FBLN2: variants seen among roughly 807,000 people sequenced by gnomAD.
FBLN2 encodes fibulin-2.
In FBLN2, 81 loss-of-function variants were observed where a neutral mutation model predicts 123.7. The observed-to-expected ratio is 0.65, with a 90% CI of 0.55 to 0.79. The LOEUF is 0.79. Ranked by LOEUF, FBLN2 falls within the 30% of genes least tolerant of loss-of-function variation. The probability of loss-of-function intolerance (pLI) is 0.00; values close to 1 mark genes in which losing one functional copy is unlikely to be tolerated. For synonymous variants in FBLN2, 699 were observed against 701.4 expected (o/e 1.00, Z 0.05); for missense variants, 1,603 against 1,681.3 (o/e 0.95, Z 0.81).
intron 2 of FBLN2, among the ~76,000 whole-genome samples, chr3:13,589,024 A>G (rs1704590170): frequency 6.6e-6 from 1 of 152,234 alleles, no homozygotes; most frequent in Non-Finnish European, 1.5e-5. Context: ...TCCTTAAATA[A>G]TAATGAAAGA....
chr3:13,564,213 G>T (rs1370884908), intron 1 of FBLN2, among the ~76,000 whole-genome samples: 1 of 152,078 alleles, frequency 6.6e-6, no homozygotes, highest in South Asian at 2.1e-4. Flanking sequence ...ACTTGGGCCC[G>T]GGGGCAGCCG....
intron 12 of FBLN2, 52 bp from the exon 13 acceptor site, chr3:13,629,112 G>T (rs935822987): frequency 1.2e-6 from 2 of 1,612,148 alleles, no homozygotes; most frequent in African/African-American, 1.3e-5. Flanking sequence ...CCCCTGGGAG[G>T]TGTGTGTGGA....
rs1706479386 is a variant in FBLN2 at position 13,636,545 on chromosome 3, CAACT to C, written c.3317_3320del (p.Asn1106MetfsTer60). The C allele has an allele frequency of 6.2e-7, 1 of 1,613,404 alleles. No individual in the cohort carries two copies. The highest frequency in any genetic ancestry group is 8.5e-7 in the Non-Finnish European group (1 of 1,179,712). On this transcript the variant is annotated frameshift_variant, in exon 17 of 18. Coordinates refer to ENST00000404922, the MANE Select transcript of FBLN2 (RefSeq NM_001004019.2). LOFTEE classifies it high-confidence loss of function. ...GCTGCCTGCGCTTCGAGTGTCCTCC[CAACT>C]ATGTCCAAGTCTCCAAAACGTGAGT...
chr3:13,609,692 G>GGC, intron 4 of FBLN2, 50 bp downstream of exon 4: 101 of 508,350 alleles, frequency 2.0e-4, no homozygotes, highest in East Asian at 3.2e-4. Flanking sequence ...GGCGGGGCGG[G>GGC]AGGCTGGCCT....
At chr3:13,567,095 G>A (rs140084920) in intron 1 of FBLN2, among the ~76,000 whole-genome samples, 82 of 152,246 alleles carry the variant, frequency 5.4e-4, no homozygotes, top group Admixed American at 1.4e-3. Context: ...CTTAAGCATG[G>A]ACAGAATGTG....
chr3:13,573,334 A>G (rs954040621), intron 2 of FBLN2, among the ~76,000 whole-genome samples: 3 of 150,804 alleles, frequency 2.0e-5, no homozygotes, highest in African/African-American at 7.3e-5. Flanking sequence ...TTATCACCTC[A>G]TCCTCTACAT....
rs1703908874 is a variant in FBLN2, at chr3:13,570,692, C to A, written c.337C>A (p.Leu113Met). Reference sequence around the variant, plus strand: ...CGGCAAGATCAGCTGCCAGTTCATGCTGTGCCCGGAGCTGCCGCCCAACTG... The same window carrying A: ...CGGCAAGATCAGCTGCCAGTTCATGATGTGCCCGGAGCTGCCGCCCAACTG... ...GGGKISCQFM[L>M]CPELPPNCIE... Residue 113 changes from leucine (L) to methionine (M), a missense_variant, in exon 2 of 18, where the codon CTG (leucine) becomes ATG (methionine). Transcript: ENST00000404922. 2 of 1,588,740 alleles carry A rather than the reference C, an allele frequency of 1.3e-6. No individual in the cohort carries two copies. The highest frequency in any genetic ancestry group is 1.7e-6 in the Non-Finnish European group (2 of 1,168,626).
intron 2 of FBLN2, among the ~76,000 whole-genome samples, chr3:13,600,203 G>A (rs1483611858): frequency 6.6e-6 from 1 of 152,126 alleles, no homozygotes; most frequent in East Asian, 1.9e-4. Context: ...CTGGACATGA[G>A]ATGAGGGTAC....
Position 13,577,384 on chromosome 3 carries a change from C to T in FBLN2, c.1306+5723C>T, listed in dbSNP as rs912219255. ...GCAAAGGCCCCAGGGCAGGAAGGTG[C>T]CTGGACAGGAGGCCAGTGGAGCCGA... On this transcript the variant is annotated intron_variant, in intron 2 of 17. Transcript: ENST00000404922. Among the ~76,000 whole-genome samples the T allele has an allele frequency of 4.6e-5, 7 of 152,014 alleles. No individual in the cohort carries two copies. The South Asian group carries it at 1.5e-3, about 32-fold the overall frequency.
At chr3:13,617,613 AT>A (rs1705671386) in intron 5 of FBLN2, among the ~76,000 whole-genome samples, 2 of 143,764 alleles carry the variant, frequency 1.4e-5, no homozygotes, top group Non-Finnish European at 3.0e-5. Flanking sequence ...CCATCCATCC[AT>A]CCATCCACCC....
At chr3:13,628,031 G>A in intron 11 of FBLN2, 62 bp downstream of exon 11, 1 of 1,557,164 alleles carries the variant, frequency 6.4e-7, no homozygotes, top group Non-Finnish European at 8.7e-7. Context: ...GCATTGTGGG[G>A]GCTTTTAGGG....
rs555361135 is a variant in FBLN2, at chr3:13,638,299, T to A, written c.*380T>A. 1.5e-4 allele frequency: 66 copies of A among 436,312 alleles called. No homozygotes were observed. Among genetic ancestry groups the A allele is most frequent in the Non-Finnish European group, 1.3e-4 (30 of 234,760 alleles). The allele number at this position is 436,312 out of a possible 1,614,324, so 27.0% of individuals were successfully genotyped here. The stretch of plus-strand genomic sequence containing the variant: ...CACTGTGATTAATTCTTTTCTTTTT[T>A]AAAAAATCATTTTAAAGTTTTTTGT... On this transcript the variant is annotated 3_prime_UTR_variant, in exon 18 of 18. Transcript: ENST00000404922.
intron 16 of FBLN2, among the ~76,000 whole-genome samples, chr3:13,632,816 T>G (rs1306762292): frequency 6.6e-6 from 1 of 152,120 alleles, no homozygotes; most frequent in Non-Finnish European, 1.5e-5. Flanking sequence ...TAGGTCTTGC[T>G]GGCTGCAAAG....
chr3:13,590,909 T>C (rs961698796), intron 2 of FBLN2, among the ~76,000 whole-genome samples: 1 of 152,260 alleles, frequency 6.6e-6, no homozygotes, highest in African/African-American at 2.4e-5. Context: ...TAGGCATCCA[T>C]GTCTGTTGGA....
Position 13,608,192 on chromosome 3 carries a change from A to G in FBLN2, c.1418+19A>G, listed in dbSNP as rs1705270837. The G allele has an allele frequency of 2.6e-6, 4 of 1,537,422 alleles. No individual in the cohort carries two copies. The highest frequency in any genetic ancestry group is 3.5e-6 in the Non-Finnish European group (4 of 1,131,658). ...TCTGCAGGTAGGGTGGGCTCCCTGG[A>G]GCAGGCGGAGCTGCCCATTTGCCTT... is the stretch of plus-strand genomic sequence containing the variant. On this transcript the variant is annotated intron_variant, in intron 3 of 17. Coordinates refer to ENST00000404922, the MANE Select transcript of FBLN2 (RefSeq NM_001004019.2).
rs528062367 is a variant in FBLN2 at position 13,620,068 on chromosome 3, C to T, written c.2155+237C>T. 1.2e-4 allele frequency among the ~76,000 whole-genome samples: 18 copies of T among 152,210 alleles called. No individual in the cohort carries two copies. In the East Asian group the frequency reaches 2.1e-3, roughly 18 times the overall value. On this transcript the variant is annotated intron_variant, in intron 8 of 17. Transcript: ENST00000404922. ...AGTGTGGCTGCATAGGAATGGGGCC[C>T]GGGCTCCTCACATGGTGTCGCTCCG...
intron 9 of FBLN2, among the ~76,000 whole-genome samples, chr3:13,622,596 C>G (rs572160884): frequency 2.3e-4 from 35 of 152,332 alleles, no homozygotes; most frequent in South Asian, 1.7e-3. Context: ...GGCCAGAGGA[C>G]TGGGTGAGGG....
At position 13,637,759 on chromosome 3, in the gene FBLN2, C is replaced by T. The variant is rs566399882; in HGVS notation, c.3536C>T (p.Thr1179Met). The change falls in exon 18 of 18, where the codon ACG (threonine) becomes ATG (methionine). Residue 1179 changes from threonine to methionine, a missense_variant. Coordinates refer to ENST00000404922, the MANE Select transcript of FBLN2 (RefSeq NM_001004019.2). ...GGCAATGAGGAGGGCTACTTTGGCA[C>T]GCGCAGGCTCAATGCCTACACGGGT... ...IKGNEEGYFGTRRLNAYTGVV... is the reference protein window; with the variant it reads ...IKGNEEGYFGMRRLNAYTGVV... 47 of 1,613,922 alleles carry T rather than the reference C, an allele frequency of 2.9e-5. 1 individual carries two copies. In the South Asian group the frequency reaches 4.4e-4, roughly 15 times the overall value.
At chr3:13,594,737 T>C (rs2124861056) in intron 2 of FBLN2, among the ~76,000 whole-genome samples, 1 of 152,212 alleles carries the variant, frequency 6.6e-6, no homozygotes, top group South Asian at 2.1e-4. Context: ...AAGCTGGCTT[T>C]CAGGTGACAC....
Sources: allele counts gnomAD v4.1 joint callset (sites outside exome capture counted in the v4.1 genomes callset), GRCh38; gene constraint gnomAD v4.1.1; transcripts MANE v1.5; gene names NCBI Gene and HGNC (gene_info 2026-07-23, HGNC 2026-07-21).